The following ZBTB46 variants were observed in gnomAD, a reference collection of about 807,000 sequenced individuals.
ZBTB46 encodes zinc finger and BTB domain containing 46.
A neutral mutation model predicts 44.1 loss-of-function variants in ZBTB46; 8 were observed. That is an observed-to-expected ratio of 0.18 (90% CI 0.11 to 0.33). ZBTB46 has a LOEUF of 0.33. Ranked by LOEUF, ZBTB46 falls within the 10% of genes least tolerant of loss-of-function variation. ZBTB46 has a pLI of 1.00. For missense variants in ZBTB46, 651 were observed against 847.7 expected (o/e 0.77, Z 2.88); for synonymous variants, 409 against 382.3 (o/e 1.07, Z -0.81).
rs923924475 is a variant in ZBTB46, at chr20:63,803,395, A to G, written c.-33-12605T>C. On this transcript the variant is annotated intron_variant, in intron 1 of 4. Transcript: ENST00000245663. The surrounding 1 kb of genome is among the most constrained non-coding windows in gnomAD (Gnocchi z 4.0). ...TGAGCTCCTGACTAGAAAACACTCCAAGACATGTTAGCAGAGTCGTCTTTC... is the reference window on the plus strand; with the variant it reads ...TGAGCTCCTGACTAGAAAACACTCCGAGACATGTTAGCAGAGTCGTCTTTC... 2.8e-5 allele frequency: 28 copies of G among 985,342 alleles called. No individual in the cohort carries two copies. Among genetic ancestry groups the G allele is most frequent in the Non-Finnish European group, 3.3e-5 (27 of 829,942 alleles). The allele number at this position is 985,342 out of a possible 1,614,324, so 61.0% of individuals were successfully genotyped here. A position where few individuals can be genotyped will look rare whatever the true frequency, so the allele number is the denominator to read the frequency against.
chr20:63,823,501 A>AAAAAAAATAAAT (rs1555859014), intron 1 of ZBTB46, among the ~76,000 whole-genome samples: 22 of 151,052 alleles, frequency 1.5e-4, no homozygotes, highest in Admixed American at 9.2e-4. Flanking sequence ...CTGTCTCAAA[A>AAAAAAAATAAAT]AAATAAATAA....
At chr20:63,801,171 C>T (rs2092641676) in intron 1 of ZBTB46, among the ~76,000 whole-genome samples, 1 of 151,964 alleles carries the variant, frequency 6.6e-6, no homozygotes, top group Non-Finnish European at 1.5e-5. Context: ...CCGGTGGGGA[C>T]TTAGAGAACC....
chr20:63,815,338 ATAGGTGCAG>A (rs1262292482), intron 1 of ZBTB46, among the ~76,000 whole-genome samples: 1 of 144,436 alleles, frequency 6.9e-6, no homozygotes, highest in Non-Finnish European at 1.5e-5. Flanking sequence ...GCAGGTGGGC[ATAGGTGCAG>A]TAGGTGCAGG....
chr20:63,763,325 G>A (rs1185141428), intron 3 of ZBTB46, among the ~76,000 whole-genome samples: 1 of 151,684 alleles, frequency 6.6e-6, no homozygotes, highest in African/African-American at 2.4e-5. Context: ...GTATTGTATC[G>A]GGCCATTCTT....
rs769607784 is a variant in ZBTB46, at chr20:63,752,872, G to A, written c.1223-11C>T. 4 of 1,589,988 alleles carry A rather than the reference G, an allele frequency of 2.5e-6. No individual in the cohort carries two copies. In the African/African-American group the frequency reaches 4.0e-5, roughly 16 times the overall value. On this transcript the variant is annotated splice_polypyrimidine_tract_variant and intron_variant, in intron 3 of 4. Transcript: ENST00000245663. The surrounding 1 kb of genome is among the most constrained non-coding windows in gnomAD (Gnocchi z 5.6). The stretch of plus-strand genomic sequence containing the variant: ...CCGTGAACTCATTCACTGAAAGAGA[G>A]GGACCCGCGAGGCGTCAGCAGGGCT...
intron 1 of ZBTB46, among the ~76,000 whole-genome samples, chr20:63,823,942 T>C (rs561774073): frequency 6.6e-6 from 1 of 151,518 alleles, no homozygotes; most frequent in East Asian, 2.0e-4. Context: ...AACCGTTGAA[T>C]GGGCTCCCCA....
rs2092660983 is a variant in ZBTB46, at chr20:63,803,298, A to C, written c.-33-12508T>G. ...TAAGGTTAAGACATGAATACTGTGA[A>C]ACTGTCGTACAAATTAAATTTCATA... is the stretch of plus-strand genomic sequence containing the variant. On this transcript the variant is annotated intron_variant, in intron 1 of 4. Transcript: ENST00000245663. This position sits in a 1 kb window ranked among gnomAD's most constrained non-coding sequence, Gnocchi z 4.0. 1.0e-6 allele frequency: 1 copy of C among 984,826 alleles called. No homozygotes were observed. 61.0% of individuals were successfully genotyped at this position (984,826 alleles called of 1,614,324 possible).
chr20:63,765,077 G>A (rs2315651), intron 3 of ZBTB46, among the ~76,000 whole-genome samples: 6 of 36,330 alleles, frequency 1.7e-4, no homozygotes, highest in African/African-American at 2.9e-4. Context: ...GCATGTGTGC[G>A]TGTGCATGTG....
Position 63,744,603 on chromosome 20 carries a change from CAT to C in ZBTB46, c.*2325_*2326del, listed in dbSNP as rs558383232. 236 of 152,420 alleles carry C rather than the reference CAT, an allele frequency of 1.5e-3. 1 individual carries two copies. The highest frequency in any genetic ancestry group is 5.6e-3 in the African/African-American group (231 of 41,556). 9.4% of individuals were successfully genotyped at this position (152,420 alleles called of 1,614,324 possible). ...GTCACATAAAAAAAACCCTTCATGA[CAT>C]GTCTTTTCCCTCCACGCCTCCTGAG... On this transcript the variant is annotated 3_prime_UTR_variant, in exon 5 of 5. Coordinates refer to ENST00000245663, the MANE Select transcript of ZBTB46 (RefSeq NM_001369741.1).
intron 1 of ZBTB46, among the ~76,000 whole-genome samples, chr20:63,824,032 G>C (rs1382962610): frequency 6.6e-6 from 1 of 152,122 alleles, no homozygotes; most frequent in Non-Finnish European, 1.5e-5. Flanking sequence ...GCGAATCAAG[G>C]CTTCTTTAGA....
intron 1 of ZBTB46, among the ~76,000 whole-genome samples, chr20:63,793,850 A>G (rs1228446495): frequency 6.6e-6 from 1 of 152,186 alleles, no homozygotes; most frequent in Non-Finnish European, 1.5e-5. Context: ...CAGAGATTTT[A>G]TAGTTAAAAA....
intron 1 of ZBTB46, chr20:63,814,930 T>C (rs905102334): frequency 3.2e-5 from 5 of 155,140 alleles, no homozygotes; most frequent in Admixed American, 6.4e-5. Flanking sequence ...GAGCTGATCA[T>C]GGTCTCACAT....
At chr20:63,830,408 C>A (rs1043909170) in intron 1 of ZBTB46, among the ~76,000 whole-genome samples, 3 of 150,998 alleles carry the variant, frequency 2.0e-5, no homozygotes, top group African/African-American at 7.3e-5. Flanking sequence ...CCCCGCGCGC[C>A]CCGAGCCCTC....
intron 3 of ZBTB46, among the ~76,000 whole-genome samples, chr20:63,756,141 G>C (rs2092218711): frequency 6.6e-6 from 1 of 152,232 alleles, no homozygotes; most frequent in Non-Finnish European, 1.5e-5. Flanking sequence ...CAAGTCGGCT[G>C]CATGGCCACC....
chr20:63,771,415 G>GTCCCGCCGGGCCTGGCGC (rs1279914684), intron 3 of ZBTB46, among the ~76,000 whole-genome samples: 2 of 152,158 alleles, frequency 1.3e-5, no homozygotes, highest in Non-Finnish European at 2.9e-5. Flanking sequence ...GGGCCACGCG[G>GTCCCGCCGGGCCTGGCGC]TCCCGCCGGG....
At chr20:63,815,378 ACAGGTGCAGTGAGTG>A (rs1411992290) in intron 1 of ZBTB46, among the ~76,000 whole-genome samples, 5 of 145,766 alleles carry the variant, frequency 3.4e-5, no homozygotes, top group Admixed American at 2.0e-4. Flanking sequence ...ACAGGTGGGC[ACAGGTGCAGTGAGTG>A]CAGGTGCAGT....
chr20:63,760,488 C>CA (rs780172027), intron 3 of ZBTB46, among the ~76,000 whole-genome samples: 15 of 149,848 alleles, frequency 1.0e-4, no homozygotes, highest in Non-Finnish European at 2.1e-4. Flanking sequence ...TTTTTTGAGA[C>CA]AGAGTCTCAC....
At chr20:63,772,017 T>TTC (rs1555841814) in intron 3 of ZBTB46, among the ~76,000 whole-genome samples, 3 of 149,208 alleles carry the variant, frequency 2.0e-5, no homozygotes, top group Non-Finnish European at 4.5e-5. Flanking sequence ...TTTTTTTTTT[T>TTC]CTGACGAGTT....
chr20:63,764,736 G>A (rs997737937), intron 3 of ZBTB46, among the ~76,000 whole-genome samples: 11 of 150,708 alleles, frequency 7.3e-5, no homozygotes, highest in Non-Finnish European at 1.5e-4. Context: ...CCGAGTAGCT[G>A]GGATTACAGG....
Sources: gnomAD v4.1 joint callset for allele counts (sites outside exome capture counted in the v4.1 genomes callset) on GRCh38, gnomAD v4.1.1 for gene constraint, Gnocchi (gnomAD v3.1) non-coding constraint, MANE v1.5 for transcripts, NCBI Gene and HGNC (gene_info 2026-07-23, HGNC 2026-07-21) for gene names.